ABCC3: variants seen among roughly 807,000 people sequenced by gnomAD.
ABCC3 encodes ATP-binding cassette sub-family C member 3.
A neutral mutation model predicts 165.3 loss-of-function variants in ABCC3; 121 were observed. The ratio of observed to expected loss-of-function variants is 0.73; its 90% CI spans 0.63 to 0.85. ABCC3 has a LOEUF of 0.85. ABCC3 is among the 40% of genes least tolerant of loss of function. ABCC3 has a pLI of 0.00. For missense variants in ABCC3, 1,869 were observed against 1,964.1 expected, an observed-to-expected ratio of 0.95 and a Z score of 0.92; for synonymous variants, 733 against 810.1, an observed-to-expected ratio of 0.90 and a Z score of 1.62.
chr17:50,673,906 TTCTTTC>T (rs1185597974), intron 19 of ABCC3, among the ~76,000 whole-genome samples: 2 of 10,640 alleles, frequency 1.9e-4, no homozygotes, highest in South Asian at 3.4e-3. Context: ...CCTGTTTTCT[TTCTTTC>T]TTTCTTTCTT....
In ABCC3 at chr17:50,663,819, G is replaced by A; in HGVS notation, c.1137G>A (p.Val379=). ...ACCACTACATCTTTGTGACTGGGGT[G>A]AAGTTTCGTACTGGGATCATGGGTG... ...HYYHYIFVTG[V]KFRTGIMGVI... Residue 379 remains valine (V), a synonymous_variant, in exon 9 of 31, where the codon GTG becomes GTA. Coordinates refer to ENST00000285238, the MANE Select transcript of ABCC3 (RefSeq NM_003786.4). 6.2e-7 allele frequency: 1 copy of A among 1,614,188 alleles called. No homozygotes were observed. Among genetic ancestry groups the A allele is most frequent in the Non-Finnish European group, 8.5e-7 (1 of 1,180,038 alleles).
At chr17:50,675,178 A>G (rs533108034) in intron 19 of ABCC3, among the ~76,000 whole-genome samples, 184 bp from the exon 20 acceptor site, 15 of 152,048 alleles carry the variant, frequency 9.9e-5, no homozygotes, top group Non-Finnish European at 1.9e-4. Context: ...GTTTCTCCAT[A>G]ATTTGTGAAG....
chr17:50,679,973 C>T lies in ABCC3; in HGVS notation c.3807+74C>T, dbSNP rs1967900062. The T allele has an allele frequency of 2.8e-5, 34 of 1,203,030 alleles. No homozygotes were observed. In the South Asian group the frequency reaches 3.2e-4, roughly 11 times the overall value. 74.5% of individuals were successfully genotyped at this position (1,203,030 alleles called of 1,614,324 possible). On this transcript the variant is annotated intron_variant, in intron 26 of 30. Transcript: ENST00000285238. Reference sequence around the variant, plus strand: ...GAAGAAAGCTTGGTGGCTCTCTCTCCCTCAACATCAGGGCCTGCCACGTAT... The same window carrying T: ...GAAGAAAGCTTGGTGGCTCTCTCTCTCTCAACATCAGGGCCTGCCACGTAT...
At chr17:50,644,973 A>C (rs1307358317) in intron 1 of ABCC3, among the ~76,000 whole-genome samples, 1 of 150,682 alleles carries the variant, frequency 6.6e-6, no homozygotes, top group Non-Finnish European at 1.5e-5. Flanking sequence ...AGCCGAGATC[A>C]CGCCACTGCA....
rs774500915 is a variant in ABCC3, at chr17:50,675,784, G to C, written c.2859+9G>C. The C allele has an allele frequency of 1.1e-5, 18 of 1,576,888 alleles. No homozygotes were observed. Among genetic ancestry groups the C allele is most frequent in the Non-Finnish European group, 9.5e-6 (11 of 1,160,784 alleles). On this transcript the variant is annotated intron_variant, in intron 21 of 30. Coordinates refer to ENST00000285238, the MANE Select transcript of ABCC3 (RefSeq NM_003786.4). ...AAGCAGCCATTGGCACTGTGAGTCG[G>C]TGGGGCAAGAGGGGCTGGAGGGGAT...
At chr17:50,654,703 A>T (rs1266336493) in intron 1 of ABCC3, among the ~76,000 whole-genome samples, 1 of 152,182 alleles carries the variant, frequency 6.6e-6, no homozygotes, top group Admixed American at 6.5e-5. Flanking sequence ...AGGCTCAGGG[A>T]ATCTCCCTAT....
At chr17:50,666,635 C>T (rs542447340) in intron 11 of ABCC3, among the ~76,000 whole-genome samples, 8 of 152,344 alleles carry the variant, frequency 5.3e-5, no homozygotes, top group Non-Finnish European at 7.3e-5. Flanking sequence ...TCATTGTTTG[C>T]TTATTGTATG....
At chr17:50,643,800 C>G in intron 1 of ABCC3, 3 of 346,540 alleles carry the variant, frequency 8.7e-6, no homozygotes, top group African/African-American at 2.2e-5. Context: ...AGTGAGTTGG[C>G]TGTGGGGGAA....
intron 1 of ABCC3, among the ~76,000 whole-genome samples, chr17:50,654,877 G>A (rs1967191414): frequency 6.6e-6 from 1 of 150,614 alleles, no homozygotes; most frequent in Non-Finnish European, 1.5e-5. Context: ...CAGGTCGTAA[G>A]GTCAAGAGAT....
intron 1 of ABCC3, chr17:50,643,750 A>T (rs1044984875): frequency 7.6e-6 from 3 of 396,146 alleles, no homozygotes; most frequent in Admixed American, 2.8e-5. Context: ...AGGTTGAGCA[A>T]GGGGGTAGGA....
chr17:50,674,453 AAG>A (rs1219781843), intron 19 of ABCC3: 4 of 152,206 alleles, frequency 2.6e-5, no homozygotes, highest in Non-Finnish European at 5.9e-5. Flanking sequence ...ATAGTTTGGC[AAG>A]TATGCAAGTG....
chr17:50,682,619 T>G (rs1304008275), intron 26 of ABCC3, among the ~76,000 whole-genome samples: 5 of 151,988 alleles, frequency 3.3e-5, no homozygotes, highest in Non-Finnish European at 7.4e-5. Context: ...CTCCTTCGGG[T>G]CTTTACTAAA....
chr17:50,684,090 C>G lies in ABCC3; in HGVS notation c.4096C>G (p.Leu1366Val), dbSNP rs1967978523. 5 of 1,613,276 alleles carry G rather than the reference C, an allele frequency of 3.1e-6. No homozygotes were observed. In the African/African-American group the frequency reaches 5.3e-5, roughly 17 times the overall value. The change falls in exon 28 of 31, where the codon CTG (leucine) becomes GTG (valine). Residue 1366 changes from leucine to valine, a missense_variant. By Grantham distance (32) the Leu-to-Val change is conservative. Coordinates refer to ENST00000285238, the MANE Select transcript of ABCC3 (RefSeq NM_003786.4). Reference protein sequence around the residue: ...DIGLHDLRSQLTIIPQDPILF... With the variant: ...DIGLHDLRSQVTIIPQDPILF... The stretch of plus-strand genomic sequence containing the variant: ...CGGCCTCCATGACCTGCGCTCTCAG[C>G]TGACCATCATCCCGCAGGTAGGAGC...
chr17:50,690,169 G>A (rs1397797844), intron 30 of ABCC3, among the ~76,000 whole-genome samples: 2 of 152,196 alleles, frequency 1.3e-5, no homozygotes, highest in Non-Finnish European at 2.9e-5. Flanking sequence ...AGGCAGGAGG[G>A]TACAGGAGGC....
intron 4 of ABCC3, 112 bp from the exon 5 acceptor site, chr17:50,657,970 G>A: frequency 6.7e-7 from 1 of 1,482,304 alleles, no homozygotes; most frequent in Non-Finnish European, 9.2e-7. Context: ...GAGGCCCCCA[G>A]GTGCTGCCTC....
intron 30 of ABCC3, among the ~76,000 whole-genome samples, chr17:50,688,840 T>C (rs964721796): frequency 2.0e-5 from 3 of 151,560 alleles, no homozygotes; most frequent in African/African-American, 7.3e-5. Context: ...GAAGCAAAGA[T>C]TGCAGTGAGC....
chr17:50,683,916 TC>T, intron 27 of ABCC3, 32 bp from the exon 28 acceptor site: 1 of 1,604,420 alleles, frequency 6.2e-7, no homozygotes, highest in Non-Finnish European at 8.5e-7. Flanking sequence ...CCTCTCAGCT[TC>T]CCCCTCAGAG....
At chr17:50,655,605 AT>A (rs948778844) in intron 1 of ABCC3, among the ~76,000 whole-genome samples, 12 of 152,012 alleles carry the variant, frequency 7.9e-5, no homozygotes, top group African/African-American at 2.4e-4. Flanking sequence ...TTATGCCTCA[AT>A]TAGAGAGAAA....
chr17:50,670,413 A>G (rs1967623403), intron 17 of ABCC3, among the ~76,000 whole-genome samples: 1 of 152,154 alleles, frequency 6.6e-6, no homozygotes, highest in East Asian at 1.9e-4. Context: ...AGTTTTAACA[A>G]CTGAGGAGGA....
Sources: gnomAD v4.1 joint callset for allele counts (sites outside exome capture counted in the v4.1 genomes callset) on GRCh38, gnomAD v4.1.1 for gene constraint, MANE v1.5 for transcripts, NCBI Gene and HGNC (gene_info 2026-07-23, HGNC 2026-07-21) for gene names.